The following BTBD9 variants were observed in gnomAD, a reference collection of about 807,000 sequenced individuals.
BTBD9 encodes BTB domain containing 9.
In BTBD9, 49 loss-of-function variants were observed where a neutral mutation model predicts 64.3. The ratio of observed to expected loss-of-function variants is 0.76; its 90% CI spans 0.61 to 0.97. The LOEUF (loss-of-function observed/expected upper bound fraction) is 0.97. Among genes scored for constraint, BTBD9 ranks in the 50% least tolerant of loss-of-function variants. The pLI is 0.00. For synonymous variants in BTBD9, 260 were observed against 274.7 expected, an observed-to-expected ratio of 0.95 and a Z score of 0.53; for missense variants, 598 against 762.1, an observed-to-expected ratio of 0.78 and a Z score of 2.53.
In BTBD9 at chr6:38,175,187, G is replaced by C. The variant is rs1208918770; in HGVS notation, c.1642-5C>G. The C allele has an allele frequency of 5.0e-6, 8 of 1,614,026 alleles. No individual in the cohort carries two copies. In the South Asian group the frequency reaches 8.8e-5, roughly 18 times the overall value. ...AAAGTGGACACAGTGGAACACCTGGGAGAGAAAAGGAAAAGACCCCATGAG... is the reference window on the plus strand; with the variant it reads ...AAAGTGGACACAGTGGAACACCTGGCAGAGAAAAGGAAAAGACCCCATGAG... On this transcript the variant is annotated splice_polypyrimidine_tract_variant and splice_region_variant and intron_variant, in intron 10 of 10. Coordinates refer to ENST00000481247, the MANE Select transcript of BTBD9 (RefSeq NM_001099272.2).
chr6:38,213,855 C>T (rs888252940), intron 9 of BTBD9, among the ~76,000 whole-genome samples: 6 of 151,592 alleles, frequency 4.0e-5, no homozygotes, highest in South Asian at 2.1e-4. Context: ...TGGTGGCAGG[C>T]GCCTGTAGTC....
intron 8 of BTBD9, among the ~76,000 whole-genome samples, chr6:38,280,502 G>T (rs1277249881): frequency 6.6e-6 from 1 of 152,130 alleles, no homozygotes; most frequent in Non-Finnish European, 1.5e-5. Context: ...AGAATTATAA[G>T]CAATCTTAAT....
At chr6:38,524,645 T>G (rs558325075) in intron 6 of BTBD9, among the ~76,000 whole-genome samples, 2 of 76,922 alleles carry the variant, frequency 2.6e-5, no homozygotes, top group African/African-American at 9.9e-5. Flanking sequence ...TTTAGTTCTA[T>G]CCATTTAGAA....
At position 38,594,554 on chromosome 6, in the gene BTBD9, A is replaced by G. The variant is rs191211495; in HGVS notation, c.186-227T>C. Among the ~76,000 whole-genome samples, 136 of 152,338 alleles carry G rather than the reference A, an allele frequency of 8.9e-4. 1 individual carries two copies. The highest frequency in any genetic ancestry group is 3.0e-3 in the African/African-American group (124 of 41,576). ...CTGTAAGCCACTGAACTAATGAGAT[A>G]CTCTGAAAGCTCAAGATATGTGACA... is the stretch of plus-strand genomic sequence containing the variant. On this transcript the variant is annotated intron_variant, in intron 2 of 10. Transcript: ENST00000481247.
intron 7 of BTBD9, among the ~76,000 whole-genome samples, chr6:38,299,823 T>C (rs1762316763): frequency 6.6e-6 from 1 of 152,220 alleles, no homozygotes; most frequent in Non-Finnish European, 1.5e-5. Flanking sequence ...TTCACTCTGA[T>C]GGTAGTTTCT....
intron 6 of BTBD9, among the ~76,000 whole-genome samples, chr6:38,382,760 T>G (rs1473533149): frequency 1.3e-5 from 2 of 152,076 alleles, no homozygotes; most frequent in Non-Finnish European, 2.9e-5. Flanking sequence ...ATTAAAAAGA[T>G]AAGAAATTAT....
At chr6:38,443,814 T>G (rs1476177847) in intron 6 of BTBD9, among the ~76,000 whole-genome samples, 2 of 152,210 alleles carry the variant, frequency 1.3e-5, no homozygotes, top group Non-Finnish European at 2.9e-5. Flanking sequence ...TCAAAATTAC[T>G]AAACAGTCTC....
chr6:38,574,221 G>C (rs1235635908), intron 6 of BTBD9, among the ~76,000 whole-genome samples: 1 of 152,182 alleles, frequency 6.6e-6, no homozygotes, highest in Non-Finnish European at 1.5e-5. Context: ...TTTGAAGCCT[G>C]ATATTATCTG....
intron 7 of BTBD9, among the ~76,000 whole-genome samples, chr6:38,339,279 G>A (rs1008657682): frequency 2.0e-5 from 3 of 152,094 alleles, no homozygotes; most frequent in African/African-American, 7.2e-5. Context: ...TACTAATGAG[G>A]ACCATGCAGC....
intron 6 of BTBD9, among the ~76,000 whole-genome samples, chr6:38,538,638 C>A (rs934573524): frequency 2.0e-5 from 3 of 152,082 alleles, no homozygotes; most frequent in Non-Finnish European, 4.4e-5. Flanking sequence ...CCCCGCCCCC[C>A]AAAAGAGACA....
At chr6:38,194,149 C>T (rs1233377517) in intron 9 of BTBD9, among the ~76,000 whole-genome samples, 4 of 151,974 alleles carry the variant, frequency 2.6e-5, no homozygotes, top group East Asian at 3.9e-4. Flanking sequence ...GCCCATGGGC[C>T]GGCAGGGGAG....
intron 9 of BTBD9, among the ~76,000 whole-genome samples, chr6:38,235,977 G>A (rs1763764651): frequency 6.6e-6 from 1 of 152,200 alleles, no homozygotes; most frequent in Admixed American, 6.5e-5. Flanking sequence ...GGTAGAAAGG[G>A]TAGGCTTTAT....
chr6:38,393,159 G>C (rs1314040556), intron 6 of BTBD9, among the ~76,000 whole-genome samples: 1 of 152,196 alleles, frequency 6.6e-6, no homozygotes, highest in Non-Finnish European at 1.5e-5. Context: ...CTCCCAAAGT[G>C]CTGGGATTAC....
chr6:38,352,335 C>A, intron 6 of BTBD9, among the ~76,000 whole-genome samples: 2 of 151,580 alleles, frequency 1.3e-5, no homozygotes, highest in Middle Eastern at 3.4e-3. Context: ...CATGATCATA[C>A]TACTGCACTC....
intron 6 of BTBD9, among the ~76,000 whole-genome samples, chr6:38,350,076 A>G (rs1363877290): frequency 6.6e-6 from 1 of 152,204 alleles, no homozygotes; most frequent in Non-Finnish European, 1.5e-5. Flanking sequence ...GCTCAGGGCC[A>G]TGTGGTCCAG....
At chr6:38,253,114 AAACAACAACAAC>A (rs376665071) in intron 9 of BTBD9, among the ~76,000 whole-genome samples, 1 of 151,048 alleles carries the variant, frequency 6.6e-6, no homozygotes, top group Non-Finnish European at 1.5e-5. Context: ...ACTCTGTCTC[AAACAACAACAAC>A]AACAACAACA....
chr6:38,588,396 TG>T, intron 4 of BTBD9: 1 of 824,596 alleles, frequency 1.2e-6, no homozygotes, highest in South Asian at 1.4e-5. Flanking sequence ...CAAGCCAACC[TG>T]GGGCCTATAG....
intron 9 of BTBD9, among the ~76,000 whole-genome samples, chr6:38,200,094 G>T (rs191860097): frequency 1.3e-3 from 197 of 152,358 alleles, no homozygotes; most frequent in Non-Finnish European, 2.1e-3. Context: ...ATGCACTCAG[G>T]GCTGAGGGGC....
intron 10 of BTBD9, among the ~76,000 whole-genome samples, chr6:38,180,871 T>C (rs865962068): frequency 6.6e-6 from 1 of 152,248 alleles, no homozygotes; most frequent in Middle Eastern, 3.2e-3. Flanking sequence ...TGTGTATGAA[T>C]CCGACACAGC....
Sources: allele counts gnomAD v4.1 joint callset (sites outside exome capture counted in the v4.1 genomes callset), GRCh38; gene constraint gnomAD v4.1.1; transcripts MANE v1.5; gene names NCBI Gene and HGNC (gene_info 2026-07-23, HGNC 2026-07-21).